The following DENND1B variants were observed in gnomAD, a reference collection of about 807,000 sequenced individuals.
DENND1B encodes DENN domain containing 1B, also known as DENN domain-containing protein 1B.
In DENND1B, 59 loss-of-function variants were observed where a neutral mutation model predicts 90.1. The observed-to-expected ratio is 0.65, with a 90% CI of 0.53 to 0.81. The LOEUF (loss-of-function observed/expected upper bound fraction) is 0.81, where lower values mean the gene tolerates loss of function less well. Ranked by LOEUF, DENND1B falls within the 40% of genes least tolerant of loss-of-function variation. The probability of loss-of-function intolerance (pLI) is 0.00; values close to 1 mark genes in which losing one functional copy is unlikely to be tolerated. For synonymous variants in DENND1B, 337 were observed against 324.6 expected, an observed-to-expected ratio of 1.04 and a Z score of -0.41; for missense variants, 862 against 912.6, an observed-to-expected ratio of 0.94 and a Z score of 0.71.
intron 5 of DENND1B, among the ~76,000 whole-genome samples, chr1:197,663,263 C>A (rs1402230817): frequency 6.6e-6 from 1 of 152,066 alleles, no homozygotes; most frequent in Non-Finnish European, 1.5e-5. Flanking sequence ...ATAAACCAAG[C>A]CTAGTTATAA....
At chr1:197,641,553 G>A (rs1215238771) in intron 10 of DENND1B, among the ~76,000 whole-genome samples, 1 of 152,042 alleles carries the variant, frequency 6.6e-6, no homozygotes, top group African/African-American at 2.4e-5. Flanking sequence ...TTTTAGGAGT[G>A]AGCATATCAA....
Position 197,679,264 on chromosome 1 carries a change from A to G in DENND1B, c.127-5095T>C, listed in dbSNP as rs1230430421. On this transcript the variant is annotated intron_variant, in intron 3 of 22. Coordinates refer to ENST00000620048, the MANE Select transcript of DENND1B (RefSeq NM_001195215.2). ...ATCCAATGTCAATGAAAAAGACTAG[A>G]TTGGAAGCAGTGCAGAGTGACATTA... Among the ~76,000 whole-genome samples, 4 of 151,812 alleles carry G rather than the reference A, an allele frequency of 2.6e-5. No homozygotes were observed. In the East Asian group the frequency reaches 7.7e-4, roughly 29 times the overall value.
At chr1:197,722,352 A>G (rs1661262379) in intron 2 of DENND1B, among the ~76,000 whole-genome samples, 1 of 152,100 alleles carries the variant, frequency 6.6e-6, no homozygotes, top group African/African-American at 2.4e-5. Flanking sequence ...TGAAGCCAAG[A>G]CTAGGATTCA....
At chr1:197,756,111 G>C (rs962857603) in intron 2 of DENND1B, among the ~76,000 whole-genome samples, 7 of 152,160 alleles carry the variant, frequency 4.6e-5, no homozygotes, top group Admixed American at 4.6e-4. Context: ...TCTTCATTAA[G>C]AATGCCAAGA....
At chr1:197,529,279 T>C (rs1669435436) in intron 20 of DENND1B, among the ~76,000 whole-genome samples, 1 of 143,630 alleles carries the variant, frequency 7.0e-6, no homozygotes, top group South Asian at 2.2e-4. Context: ...TATATGTATA[T>C]ATGTATATAT....
At chr1:197,609,702 T>TAA (rs11407728) in intron 12 of DENND1B, among the ~76,000 whole-genome samples, 49,286 of 146,110 alleles carry the variant, frequency 0.34, 8,899 homozygotes, top group Non-Finnish European at 0.42. Flanking sequence ...TTTTCGCCAT[T>TAA]AAAAAAAAAA....
chr1:197,713,768 T>G (rs1660208880), intron 3 of DENND1B, among the ~76,000 whole-genome samples: 1 of 29,190 alleles, frequency 3.4e-5, no homozygotes, highest in South Asian at 1.4e-3. Flanking sequence ...ATAATTATAT[T>G]ATATTATTAT....
chr1:197,689,829 T>A (rs1429282016), intron 3 of DENND1B: 2 of 152,530 alleles, frequency 1.3e-5, no homozygotes, highest in East Asian at 3.9e-4. Context: ...CAAGAAACAG[T>A]CCCTGCCATC....
At chr1:197,740,921 A>G (rs967754997) in intron 2 of DENND1B, among the ~76,000 whole-genome samples, 1 of 152,200 alleles carries the variant, frequency 6.6e-6, no homozygotes, top group Non-Finnish European at 1.5e-5. Flanking sequence ...TCTGTCCTAC[A>G]ATTTTGAAGG....
chr1:197,642,953 TA>T, intron 9 of DENND1B, 132 bp from the exon 10 acceptor site: 3 of 599,142 alleles, frequency 5.0e-6, no homozygotes, highest in Non-Finnish European at 8.7e-6. Context: ...TTAAAATAAT[TA>T]AGTGTAATAC....
At chr1:197,753,565 A>G (rs1286099590) in intron 2 of DENND1B, among the ~76,000 whole-genome samples, 1 of 152,092 alleles carries the variant, frequency 6.6e-6, no homozygotes, top group African/African-American at 2.4e-5. Context: ...TTAAGTGTCA[A>G]TGTAGATTCA....
rs1443868437 is a variant in DENND1B at position 197,540,087 on chromosome 1, TA to T, written c.1408-17del. ...CTTCATTTTCCTACACATGAAAAAA[TA>T]TACAGGCAATAATTGTAAAGTACTC... On this transcript the variant is annotated splice_polypyrimidine_tract_variant and intron_variant, in intron 19 of 22. Transcript: ENST00000620048. 1.0e-5 allele frequency: 16 copies of T among 1,556,968 alleles called. No homozygotes were observed. Among genetic ancestry groups the T allele is most frequent in the Non-Finnish European group, 1.4e-5 (16 of 1,135,750 alleles).
At chr1:197,759,967 G>A (rs749423023) in intron 2 of DENND1B, among the ~76,000 whole-genome samples, 4 of 151,876 alleles carry the variant, frequency 2.6e-5, no homozygotes, top group East Asian at 3.9e-4. Flanking sequence ...TAAAAAGATC[G>A]ACTTTAATCA....
chr1:197,524,391 A>C (rs991595413), intron 20 of DENND1B, among the ~76,000 whole-genome samples: 2 of 152,160 alleles, frequency 1.3e-5, no homozygotes, highest in Non-Finnish European at 2.9e-5. Flanking sequence ...AATATTTTAT[A>C]GATCTGAGGG....
At position 197,508,215 on chromosome 1, in the gene DENND1B, A is replaced by C. The variant is rs1667816365; in HGVS notation, c.*2245T>G. On this transcript the variant is annotated 3_prime_UTR_variant, in exon 23 of 23. Coordinates refer to ENST00000620048, the MANE Select transcript of DENND1B (RefSeq NM_001195215.2). ...ACAAAAAACCATACCTCATTTCAAAATTCATATTAAAATGCTGATTTGCAT... is the reference window on the plus strand; with the variant it reads ...ACAAAAAACCATACCTCATTTCAAACTTCATATTAAAATGCTGATTTGCAT... 6.6e-6 allele frequency: 1 copy of C among 151,662 alleles called. No homozygotes were observed. The highest frequency in any genetic ancestry group is 2.4e-5 in the African/African-American group (1 of 41,390). The allele number at this position is 151,662 out of a possible 1,614,324, so 9.4% of individuals were successfully genotyped here.
In DENND1B at chr1:197,707,370, A is replaced by G. The variant is rs1345100785; in HGVS notation, c.126+7661T>C. ...TGTTCTATAACACTGTAGGGTGATTATAATTAACAAGAATTTATCACATAT... is the reference window on the plus strand; with the variant it reads ...TGTTCTATAACACTGTAGGGTGATTGTAATTAACAAGAATTTATCACATAT... On this transcript the variant is annotated intron_variant, in intron 3 of 22. Coordinates refer to ENST00000620048, the MANE Select transcript of DENND1B (RefSeq NM_001195215.2). Among the ~76,000 whole-genome samples, 6 of 152,136 alleles carry G rather than the reference A, an allele frequency of 3.9e-5. No homozygotes were observed. In the East Asian group the frequency reaches 7.7e-4, roughly 20 times the overall value.
intron 2 of DENND1B, among the ~76,000 whole-genome samples, chr1:197,716,955 T>C (rs1187771585): frequency 1.3e-5 from 2 of 151,952 alleles, no homozygotes; most frequent in African/African-American, 4.8e-5. Context: ...TTTTTTTCTG[T>C]ATACTCTGTT....
At chr1:197,669,946 A>G (rs1655321753) in intron 5 of DENND1B, among the ~76,000 whole-genome samples, 1 of 152,118 alleles carries the variant, frequency 6.6e-6, no homozygotes. Flanking sequence ...TTCCTACTTC[A>G]AAGAATATAC....
chr1:197,650,370 T>C (rs1652993170), intron 7 of DENND1B, among the ~76,000 whole-genome samples: 1 of 152,130 alleles, frequency 6.6e-6, no homozygotes, highest in South Asian at 2.1e-4. Context: ...CAATAGTAGA[T>C]GTTGGCCTGG....
Sources: allele counts gnomAD v4.1 joint callset (sites outside exome capture counted in the v4.1 genomes callset), GRCh38; gene constraint gnomAD v4.1.1; transcripts MANE v1.5; gene names NCBI Gene and HGNC (gene_info 2026-07-23, HGNC 2026-07-21).